Variants in CDH4 observed in about 807,000 individuals in gnomAD.
CDH4 encodes the protein cadherin-4.
Under a neutral mutation model 86.0 loss-of-function variants are expected in CDH4, and 33 were observed. That is an observed-to-expected ratio of 0.38 (90% CI 0.29 to 0.51). The LOEUF is 0.51. CDH4 is among the 20% of genes least tolerant of loss of function. The pLI is 0.86. For synonymous variants in CDH4, 555 were observed against 549.4 expected (o/e 1.01, Z -0.14); for missense variants, 1,114 against 1,307.4 (o/e 0.85, Z 2.28).
At chr20:61,319,426 T>C (rs986366923) in intron 2 of CDH4, among the ~76,000 whole-genome samples, 4 of 152,150 alleles carry the variant, frequency 2.6e-5, no homozygotes, top group African/African-American at 7.2e-5. Flanking sequence ...GCCTCATTCA[T>C]CCGTCCACCT....
At chr20:61,429,519 A>G (rs374864148) in intron 2 of CDH4, among the ~76,000 whole-genome samples, 1 of 151,894 alleles carries the variant, frequency 6.6e-6, no homozygotes, top group East Asian at 1.9e-4. Flanking sequence ...GAATAAATGG[A>G]TAGGTAGATG....
rs774282834 is a variant in CDH4 at position 61,831,662 on chromosome 20, C to G, written c.577-13006C>G. ...GCAGGCCACAGTGCAGCCTCCTCCC[C>G]CTCAGGACCCCAGGCCCACCCTGCA... On this transcript the variant is annotated intron_variant, in intron 4 of 15. Transcript: ENST00000614565. Among the ~76,000 whole-genome samples, 142 of 152,376 alleles carry G rather than the reference C, an allele frequency of 9.3e-4. 1 individual carries two copies. Among genetic ancestry groups the G allele is most frequent in the Non-Finnish European group, 1.7e-3 (116 of 68,036 alleles).
At chr20:61,372,930 C>A (rs909711087) in intron 2 of CDH4, among the ~76,000 whole-genome samples, 2 of 152,266 alleles carry the variant, frequency 1.3e-5, no homozygotes, top group Admixed American at 6.5e-5. Flanking sequence ...GGACACGCAA[C>A]CCCAGCCCCG....
chr20:61,754,872 CACCACACAT>C lies in CDH4; in HGVS notation c.396+11085_396+11093del. 6.6e-6 allele frequency: 1 copy of C among 152,208 alleles called. No individual in the cohort carries two copies. The highest frequency in any genetic ancestry group is 2.0e-4 in the East Asian group (1 of 5,090). The allele number at this position is 152,208 out of a possible 1,614,324, so 9.4% of individuals were successfully genotyped here. ...CACACCACACAGTGCACGCCACACA[CACCACACAT>C]ATACCCTGCACATACCACACACAGA... On this transcript the variant is annotated intron_variant, in intron 3 of 15. Coordinates refer to ENST00000614565, the MANE Select transcript of CDH4 (RefSeq NM_001794.5). This position sits in a 1 kb window ranked among gnomAD's most constrained non-coding sequence, Gnocchi z 4.7.
At chr20:61,453,252 G>A (rs1321530453) in intron 2 of CDH4, among the ~76,000 whole-genome samples, 1 of 152,154 alleles carries the variant, frequency 6.6e-6, no homozygotes, top group Non-Finnish European at 1.5e-5. Context: ...TCATTTTTCT[G>A]TCATGGGAGC....
intron 4 of CDH4, among the ~76,000 whole-genome samples, chr20:61,795,487 C>G (rs1033536132): frequency 6.6e-6 from 1 of 152,162 alleles, no homozygotes; most frequent in Non-Finnish European, 1.5e-5. Flanking sequence ...AAATGAGACA[C>G]TCAGGGTGAC....
intron 2 of CDH4, among the ~76,000 whole-genome samples, chr20:61,311,091 T>A (rs1158960883): frequency 6.6e-6 from 1 of 152,094 alleles, no homozygotes; most frequent in Admixed American, 6.5e-5. Flanking sequence ...ATCCATACAG[T>A]GAAGCGAACC....
At chr20:61,825,439 T>G (rs1350553328) in intron 4 of CDH4, among the ~76,000 whole-genome samples, 1 of 152,094 alleles carries the variant, frequency 6.6e-6, no homozygotes, top group Non-Finnish European at 1.5e-5. Flanking sequence ...CAAAATAGAC[T>G]GATAGACCTA....
At chr20:61,426,721 G>C (rs940789557) in intron 2 of CDH4, among the ~76,000 whole-genome samples, 5 of 152,224 alleles carry the variant, frequency 3.3e-5, no homozygotes, top group African/African-American at 1.2e-4. Flanking sequence ...TGACACCAGC[G>C]AAGGTGGAGG....
chr20:61,411,630 C>T (rs770337518), intron 2 of CDH4, among the ~76,000 whole-genome samples: 8 of 152,022 alleles, frequency 5.3e-5, no homozygotes, highest in Admixed American at 1.3e-4. Flanking sequence ...TCCATGTCTA[C>T]GTTGAACAGC....
chr20:61,585,818 G>A (rs544238579), intron 2 of CDH4, among the ~76,000 whole-genome samples: 1 of 141,250 alleles, frequency 7.1e-6, no homozygotes, highest in South Asian at 2.4e-4. Context: ...TCATGCAGAG[G>A]ATGGTGATGA....
intron 4 of CDH4, among the ~76,000 whole-genome samples, chr20:61,836,987 A>G (rs1428902507): frequency 1.3e-5 from 2 of 152,238 alleles, no homozygotes; most frequent in East Asian, 3.8e-4. Context: ...TGAGGCCAAG[A>G]GTTTGAGACC....
At chr20:61,355,110 G>A (rs2084740885) in intron 2 of CDH4, among the ~76,000 whole-genome samples, 1 of 152,180 alleles carries the variant, frequency 6.6e-6, no homozygotes, top group Non-Finnish European at 1.5e-5. Flanking sequence ...TGCAGTCATT[G>A]AGTAGGGAGA....
chr20:61,788,054 G>A (rs1978976188), intron 4 of CDH4, among the ~76,000 whole-genome samples: 1 of 152,208 alleles, frequency 6.6e-6, no homozygotes, highest in South Asian at 2.1e-4. Context: ...TGACTGCCGT[G>A]AGGGACCAGG....
intron 2 of CDH4, among the ~76,000 whole-genome samples, chr20:61,637,177 G>T (rs1361471758): frequency 6.6e-6 from 1 of 152,176 alleles, no homozygotes; most frequent in African/African-American, 2.4e-5. Flanking sequence ...GAGTTGTAAG[G>T]ATAGCACAGG....
chr20:61,751,249 T>A (rs903797836), intron 3 of CDH4, among the ~76,000 whole-genome samples: 11 of 152,190 alleles, frequency 7.2e-5, no homozygotes, highest in African/African-American at 2.7e-4. Context: ...ACTCCTGGCC[T>A]CTACCCACTA....
intron 2 of CDH4, among the ~76,000 whole-genome samples, chr20:61,602,839 A>T (rs1258857076): frequency 6.6e-6 from 1 of 152,150 alleles, no homozygotes; most frequent in Admixed American, 6.5e-5. Flanking sequence ...TTACTGGGGT[A>T]CACGCCCGCA....
chr20:61,663,098 C>T lies in CDH4; in HGVS notation c.170-80465C>T, dbSNP rs918053990. Among the ~76,000 whole-genome samples the T allele has an allele frequency of 6.6e-6, 1 of 152,184 alleles. No homozygotes were observed. Among genetic ancestry groups the T allele is most frequent in the Non-Finnish European group, 1.5e-5 (1 of 68,034 alleles). ...CAATGCTGCCCAGCGCAGGCAGTGTCGACATGAAGCAAACCATTGTTAAAA... is the reference window on the plus strand; with the variant it reads ...CAATGCTGCCCAGCGCAGGCAGTGTTGACATGAAGCAAACCATTGTTAAAA... On this transcript the variant is annotated intron_variant, in intron 2 of 15. Coordinates refer to ENST00000614565, the MANE Select transcript of CDH4 (RefSeq NM_001794.5). This position sits in a 1 kb window ranked among gnomAD's most constrained non-coding sequence, Gnocchi z 5.0.
chr20:61,471,993 CGTTCT>C (rs1439348643), intron 2 of CDH4, among the ~76,000 whole-genome samples: 1 of 152,112 alleles, frequency 6.6e-6, no homozygotes, highest in African/African-American at 2.4e-5. Flanking sequence ...TTGGATGATA[CGTTCT>C]GTAAATATCG....
Sources: gnomAD v4.1 joint callset for allele counts (sites outside exome capture counted in the v4.1 genomes callset) on GRCh38, gnomAD v4.1.1 for gene constraint, Gnocchi (gnomAD v3.1) non-coding constraint, MANE v1.5 for transcripts, NCBI Gene and HGNC (gene_info 2026-07-23, HGNC 2026-07-21) for gene names.